The following RBMS1 variants were observed in gnomAD, a reference collection of about 807,000 sequenced individuals.
RBMS1 encodes RNA binding motif single stranded interacting protein 1, also known as RNA-binding motif, single-stranded-interacting protein 1.
A neutral mutation model predicts 62.3 loss-of-function variants in RBMS1; 17 were observed. That is an observed-to-expected ratio of 0.27 (90% CI 0.19 to 0.41). The LOEUF (loss-of-function observed/expected upper bound fraction) is 0.41. RBMS1 is among the 10% of genes least tolerant of loss of function. RBMS1 has a pLI of 1.00. For missense variants in RBMS1, 334 were observed against 504.5 expected (o/e 0.66, Z 3.24); for synonymous variants, 172 against 170.0 (o/e 1.01, Z -0.09).
chr2:160,417,382 G>A (rs1296526901), intron 1 of RBMS1, among the ~76,000 whole-genome samples: 2 of 152,192 alleles, frequency 1.3e-5, no homozygotes, highest in African/African-American at 4.8e-5. Flanking sequence ...AACTGTATGT[G>A]ACTTACTTAT....
At chr2:160,326,720 C>T (rs1209848536) in intron 2 of RBMS1, among the ~76,000 whole-genome samples, 2 of 152,112 alleles carry the variant, frequency 1.3e-5, no homozygotes, top group Non-Finnish European at 2.9e-5. Flanking sequence ...GGCAATAACA[C>T]TTAAGTTCAA....
At chr2:160,423,181 A>G (rs1223219357) in intron 1 of RBMS1, among the ~76,000 whole-genome samples, 1 of 151,946 alleles carries the variant, frequency 6.6e-6, no homozygotes, top group African/African-American at 2.4e-5. Flanking sequence ...CTTCTATACC[A>G]GTTTGATTGC....
At chr2:160,471,716 T>TATATATATATATATATATATATATA (rs371634389) in intron 1 of RBMS1, among the ~76,000 whole-genome samples, 124 of 76,174 alleles carry the variant, frequency 1.6e-3, no homozygotes, top group Non-Finnish European at 2.1e-3. Context: ...TATATATATA[T>TATATATATATATATATATATATATA]AACCTTTCAT....
At chr2:160,407,713 C>T in intron 1 of RBMS1, 1 of 981,588 alleles carries the variant, frequency 1.0e-6, no homozygotes. Flanking sequence ...TCCCCTCCGC[C>T]TTCGACCTCC....
At chr2:160,343,518 G>A (rs1412128722) in intron 2 of RBMS1, among the ~76,000 whole-genome samples, 1 of 152,078 alleles carries the variant, frequency 6.6e-6, no homozygotes, top group East Asian at 1.9e-4. Flanking sequence ...CGGATTACTG[G>A]TTCTAATTAA....
chr2:160,324,913 C>CAT (rs1559383881), intron 2 of RBMS1, among the ~76,000 whole-genome samples: 27 of 89,844 alleles, frequency 3.0e-4, no homozygotes, highest in African/African-American at 9.7e-4. Flanking sequence ...TATATACACA[C>CAT]ACACACACAC....
chr2:160,367,917 A>C (rs1385186765), intron 1 of RBMS1, among the ~76,000 whole-genome samples: 3 of 152,194 alleles, frequency 2.0e-5, no homozygotes, highest in Admixed American at 6.5e-5. Flanking sequence ...GACTTCATTG[A>C]GACATCTGGG....
chr2:160,383,467 C>G, intron 1 of RBMS1, among the ~76,000 whole-genome samples: 1 of 142,928 alleles, frequency 7.0e-6, no homozygotes, highest in African/African-American at 2.6e-5. Flanking sequence ...GGGGGGGGAA[C>G]TGACCCACTA....
chr2:160,382,424 G>A (rs997746906), intron 1 of RBMS1, among the ~76,000 whole-genome samples: 1 of 152,118 alleles, frequency 6.6e-6, no homozygotes, highest in Non-Finnish European at 1.5e-5. Context: ...AAACACCAGG[G>A]ACAGTAGACA....
chr2:160,450,563 T>TAAAAAAAAAAAAAAAAAAAAAAAAAA (rs71006605), intron 1 of RBMS1, among the ~76,000 whole-genome samples: 2 of 122,388 alleles, frequency 1.6e-5, no homozygotes, highest in Non-Finnish European at 1.6e-5. Context: ...AAATAAAAAA[T>TAAAAAAAAAAAAAAAAAAAAAAAAAA]GAAAAAAAAA....
chr2:160,313,920 C>A (rs1056388836), intron 3 of RBMS1, among the ~76,000 whole-genome samples: 2 of 152,092 alleles, frequency 1.3e-5, no homozygotes, highest in African/African-American at 4.8e-5. Context: ...CATAACAAAA[C>A]AAACACATAA....
At chr2:160,372,999 G>A (rs184683583) in intron 1 of RBMS1, among the ~76,000 whole-genome samples, 8 of 152,180 alleles carry the variant, frequency 5.3e-5, no homozygotes, top group Admixed American at 5.2e-4. Flanking sequence ...TTGATAACAA[G>A]GATATCAAAG....
At chr2:160,320,266 G>A (rs909613690) in intron 2 of RBMS1, among the ~76,000 whole-genome samples, 9 of 152,138 alleles carry the variant, frequency 5.9e-5, no homozygotes, top group African/African-American at 1.9e-4. Context: ...CCTAGAGTTC[G>A]AGACCAGGCT....
intron 2 of RBMS1, among the ~76,000 whole-genome samples, chr2:160,336,759 C>T (rs1691594067): frequency 6.6e-6 from 1 of 152,046 alleles, no homozygotes; most frequent in African/African-American, 2.4e-5. Flanking sequence ...TATTTGGACT[C>T]GCCACATTTC....
chr2:160,482,636 T>G (rs1685417828), intron 1 of RBMS1, among the ~76,000 whole-genome samples: 1 of 152,230 alleles, frequency 6.6e-6, no homozygotes, highest in Admixed American at 6.5e-5. Flanking sequence ...GTGCACTTCC[T>G]GAAGACTCCT....
intron 1 of RBMS1, among the ~76,000 whole-genome samples, chr2:160,488,003 A>G (rs1685665755): frequency 1.3e-5 from 2 of 152,298 alleles, no homozygotes; most frequent in African/African-American, 2.4e-5. Flanking sequence ...TATGGGAGAT[A>G]TATGTTCAGT....
intron 1 of RBMS1, among the ~76,000 whole-genome samples, chr2:160,464,368 C>T (rs1192252941): frequency 6.6e-6 from 1 of 152,136 alleles, no homozygotes; most frequent in East Asian, 1.9e-4. Context: ...AAGAAAACTG[C>T]GGAAGGATAC....
At position 160,422,004 on chromosome 2, in the gene RBMS1, G is replaced by C. The variant is rs142102560; in HGVS notation, c.76-54613C>G. Reference sequence around the variant, plus strand: ...GTAATGAGTAGCGGGCAAGGAATGGGCTTTCAAGAAGAACTACTGTGTCAA... The same window carrying C: ...GTAATGAGTAGCGGGCAAGGAATGGCCTTTCAAGAAGAACTACTGTGTCAA... On this transcript the variant is annotated intron_variant, in intron 1 of 13. Coordinates refer to ENST00000348849, the MANE Select transcript of RBMS1 (RefSeq NM_016836.4). Among the ~76,000 whole-genome samples, 228 of 152,284 alleles carry C rather than the reference G, an allele frequency of 1.5e-3. 2 individuals are homozygous for C. Among genetic ancestry groups the C allele is most frequent in the African/African-American group, 5.2e-3 (217 of 41,562 alleles).
At chr2:160,408,003 T>TGCCGCCCCATCGCCCGCCCGGCCCCC in intron 1 of RBMS1, 1 of 803,554 alleles carries the variant, frequency 1.2e-6, no homozygotes, top group Admixed American at 6.6e-5. Context: ...GCGCGGCGCC[T>TGCCGCCCCATCGCCCGCCCGGCCCCC]GCCGCCCCAT....
Sources: gnomAD v4.1 joint callset for allele counts (sites outside exome capture counted in the v4.1 genomes callset) on GRCh38, gnomAD v4.1.1 for gene constraint, MANE v1.5 for transcripts, NCBI Gene and HGNC (gene_info 2026-07-23, HGNC 2026-07-21) for gene names.